WWOX: variants seen among roughly 807,000 people sequenced by gnomAD.
WWOX encodes WW domain containing oxidoreductase, also known as WW domain-containing oxidoreductase.
A neutral mutation model predicts 46.2 loss-of-function variants in WWOX; 69 were observed. The observed-to-expected ratio is 1.49, with a 90% confidence interval of 1.23 to 1.82. WWOX has a LOEUF of 1.82. WWOX is among the 40% of genes most tolerant of loss of function. The pLI is 0.00. For synonymous variants in WWOX, 359 were observed against 202.6 expected (o/e 1.77, Z -6.56); for missense variants, 919 against 542.6 (o/e 1.69, Z -6.89).
intron 8 of WWOX, among the ~76,000 whole-genome samples, chr16:78,759,775 T>A (rs1436327243): frequency 6.6e-6 from 1 of 152,150 alleles, no homozygotes; most frequent in South Asian, 2.1e-4. Context: ...TGTCTTATCT[T>A]ACAGTTCTGA....
At chr16:78,228,021 T>A (rs1026147019) in intron 5 of WWOX, among the ~76,000 whole-genome samples, 6 of 152,146 alleles carry the variant, frequency 3.9e-5, no homozygotes, top group Non-Finnish European at 5.9e-5. Context: ...ATGGACCCTC[T>A]CTCTGGCAAA....
At chr16:79,003,041 C>G (rs921571509) in intron 8 of WWOX, among the ~76,000 whole-genome samples, 1 of 152,196 alleles carries the variant, frequency 6.6e-6, no homozygotes, top group African/African-American at 2.4e-5. Flanking sequence ...CACAGGGCCT[C>G]ACAGCACATT....
chr16:79,092,776 GA>G, intron 8 of WWOX, among the ~76,000 whole-genome samples: 1 of 152,256 alleles, frequency 6.6e-6, no homozygotes. Context: ...AAACGTTGTT[GA>G]AAACATATTA....
At chr16:78,645,048 T>C (rs2046807475) in intron 8 of WWOX, among the ~76,000 whole-genome samples, 1 of 152,200 alleles carries the variant, frequency 6.6e-6, no homozygotes, top group Non-Finnish European at 1.5e-5. Context: ...AAAAGTTGGG[T>C]TGCATTGCAT....
At chr16:78,579,778 G>C (rs2045001741) in intron 8 of WWOX, among the ~76,000 whole-genome samples, 1 of 151,948 alleles carries the variant, frequency 6.6e-6, no homozygotes, top group Non-Finnish European at 1.5e-5. Flanking sequence ...GAGAAATGAG[G>C]AGATAATATC....
intron 8 of WWOX, among the ~76,000 whole-genome samples, chr16:78,536,271 C>T (rs2043757129): frequency 6.6e-6 from 1 of 151,990 alleles, no homozygotes; most frequent in Admixed American, 6.6e-5. Flanking sequence ...TAGATTTTAA[C>T]CAAAGGTTGA....
At chr16:78,818,271 C>G (rs1050338156) in intron 8 of WWOX, among the ~76,000 whole-genome samples, 1 of 152,192 alleles carries the variant, frequency 6.6e-6, no homozygotes, top group Non-Finnish European at 1.5e-5. Context: ...CAGAGCCCAT[C>G]TACTTTCCAG....
At chr16:78,805,613 A>G (rs2051014506) in intron 8 of WWOX, among the ~76,000 whole-genome samples, 1 of 152,166 alleles carries the variant, frequency 6.6e-6, no homozygotes, top group African/African-American at 2.4e-5. Flanking sequence ...TCTTGAAGGT[A>G]GATGCAGAAG....
chr16:78,873,669 C>T (rs190228744), intron 8 of WWOX, among the ~76,000 whole-genome samples: 43 of 152,162 alleles, frequency 2.8e-4, no homozygotes, highest in African/African-American at 9.6e-4. Flanking sequence ...GCATGCCTGT[C>T]ATCCCAGCTA....
intron 8 of WWOX, among the ~76,000 whole-genome samples, chr16:78,593,964 C>T (rs548031509): frequency 2.0e-5 from 3 of 152,154 alleles, no homozygotes; most frequent in African/African-American, 7.2e-5. Flanking sequence ...GTCCCACTAT[C>T]ATTATATCCA....
chr16:78,406,331 T>A (rs1398513293), intron 6 of WWOX, among the ~76,000 whole-genome samples: 1 of 95,058 alleles, frequency 1.1e-5, no homozygotes, highest in South Asian at 3.1e-4. Context: ...TATATATATA[T>A]ATATATATAT....
chr16:78,895,712 T>C (rs1172690756), intron 8 of WWOX: 1 of 152,212 alleles, frequency 6.6e-6, no homozygotes. Flanking sequence ...AAAAAGTTCA[T>C]TGGTCAAATT....
At chr16:78,368,865 C>G (rs2081598070) in intron 5 of WWOX, among the ~76,000 whole-genome samples, 1 of 152,182 alleles carries the variant, frequency 6.6e-6, no homozygotes, top group Non-Finnish European at 1.5e-5. Flanking sequence ...AACCAGCAGG[C>G]TGCACGTGTG....
At chr16:78,609,970 AC>A (rs960584978) in intron 8 of WWOX, among the ~76,000 whole-genome samples, 1 of 43,586 alleles carries the variant, frequency 2.3e-5, no homozygotes, top group Non-Finnish European at 5.2e-5. Context: ...CCCCACCCCC[AC>A]CCCCCTTTAA....
At chr16:78,162,427 TACAC>T (rs1299445156) in intron 4 of WWOX, among the ~76,000 whole-genome samples, 2 of 151,916 alleles carry the variant, frequency 1.3e-5, no homozygotes, top group Non-Finnish European at 2.9e-5. Context: ...CACATACAGA[TACAC>T]ACTCACATAT....
intron 8 of WWOX, among the ~76,000 whole-genome samples, chr16:78,986,091 A>G (rs769043093): frequency 1.3e-5 from 2 of 152,216 alleles, no homozygotes; most frequent in Non-Finnish European, 2.9e-5. Flanking sequence ...GAATGTCAAG[A>G]TGAACCGGGG....
At chr16:78,776,053 G>A (rs1445887927) in intron 8 of WWOX, among the ~76,000 whole-genome samples, 1 of 152,182 alleles carries the variant, frequency 6.6e-6, no homozygotes, top group East Asian at 1.9e-4. Context: ...ACCTATAGGA[G>A]TATAACACCA....
At chr16:78,471,937 T>C (rs2151435733) in intron 8 of WWOX, among the ~76,000 whole-genome samples, 1 of 152,314 alleles carries the variant, frequency 6.6e-6, no homozygotes, top group East Asian at 1.9e-4. Context: ...ATTCTACACA[T>C]ACTTCAAATA....
chr16:78,362,286 A>G (rs943383149), intron 5 of WWOX, among the ~76,000 whole-genome samples: 2 of 152,102 alleles, frequency 1.3e-5, no homozygotes, highest in African/African-American at 2.4e-5. Context: ...AGACACAGCA[A>G]GGTGATGATG....
Sources: gnomAD v4.1 joint callset for allele counts (sites outside exome capture counted in the v4.1 genomes callset) on GRCh38, gnomAD v4.1.1 for gene constraint, MANE v1.5 for transcripts, NCBI Gene and HGNC (gene_info 2026-07-23, HGNC 2026-07-21) for gene names.